ITGA1: variants seen among roughly 807,000 people sequenced by gnomAD.
ITGA1 encodes the protein integrin subunit alpha 1.
Under a neutral mutation model 145.9 loss-of-function variants are expected in ITGA1, and 85 were observed. The observed-to-expected ratio is 0.58, with a 90% confidence interval of 0.49 to 0.70. The LOEUF (loss-of-function observed/expected upper bound fraction) is 0.70. Among genes scored for constraint, ITGA1 ranks in the 30% least tolerant of loss-of-function variants. ITGA1 has a pLI of 0.00. For synonymous variants in ITGA1, 520 were observed against 495.3 expected (o/e 1.05, Z -0.66); for missense variants, 1,351 against 1,418.7 (o/e 0.95, Z 0.77).
At chr5:52,868,482 T>G (rs1362169858) in intron 6 of ITGA1, among the ~76,000 whole-genome samples, 1 of 152,338 alleles carries the variant, frequency 6.6e-6, no homozygotes, top group Non-Finnish European at 1.5e-5. Context: ...TATAATTAAT[T>G]TACATTTCTG....
chr5:52,884,402 G>A (rs1049401120), intron 7 of ITGA1, among the ~76,000 whole-genome samples: 1 of 150,494 alleles, frequency 6.6e-6, no homozygotes. Flanking sequence ...AGCCAAGATC[G>A]TGCCACTGCA....
At chr5:52,926,141 G>A (rs1750802578) in intron 19 of ITGA1, among the ~76,000 whole-genome samples, 1 of 151,942 alleles carries the variant, frequency 6.6e-6, no homozygotes, top group Admixed American at 6.6e-5. Flanking sequence ...TAAAAGCAAT[G>A]CACTTATTAA....
intron 1 of ITGA1, among the ~76,000 whole-genome samples, chr5:52,814,555 G>A (rs2406217): frequency 3.3e-5 from 5 of 151,904 alleles, no homozygotes; most frequent in South Asian, 2.1e-4. Flanking sequence ...TATAAATTAC[G>A]TAATCATATA....
At chr5:52,851,424 C>T (rs369262166) in intron 2 of ITGA1, among the ~76,000 whole-genome samples, 6 of 152,098 alleles carry the variant, frequency 3.9e-5, no homozygotes, top group East Asian at 3.8e-4. Flanking sequence ...TCTACAGTCC[C>T]TCCTTTCAAG....
chr5:52,910,958 A>G (rs921970906), intron 14 of ITGA1, among the ~76,000 whole-genome samples: 2 of 134,464 alleles, frequency 1.5e-5, no homozygotes, highest in Non-Finnish European at 3.0e-5. Context: ...TATAGTATAT[A>G]CACTATATAT....
intron 23 of ITGA1, 73 bp from the exon 24 acceptor site, chr5:52,937,328 C>A: frequency 1.0e-6 from 1 of 967,334 alleles, no homozygotes; most frequent in Non-Finnish European, 1.6e-6. Context: ...AGCTAGAAAA[C>A]AAAGCCCTAC....
chr5:52,871,371 C>T (rs1749773052), intron 6 of ITGA1, among the ~76,000 whole-genome samples: 1 of 152,012 alleles, frequency 6.6e-6, no homozygotes, highest in Non-Finnish European at 1.5e-5. Flanking sequence ...TAGCAAAATA[C>T]TTCACTTTAA....
At chr5:52,889,910 C>T (rs866877797) in intron 8 of ITGA1, 1 of 99,148 alleles carries the variant, frequency 1.0e-5, no homozygotes, top group Admixed American at 1.0e-4. Context: ...AAAAAAAAAT[C>T]AAGCAATAGC....
chr5:52,873,463 T>C (rs1749816615), intron 6 of ITGA1, among the ~76,000 whole-genome samples: 2 of 152,242 alleles, frequency 1.3e-5, no homozygotes, highest in East Asian at 3.8e-4. Flanking sequence ...ATCTATTATG[T>C]ATCAACTTTA....
rs780102104 is a variant in ITGA1, at chr5:52,898,286, A to C, written c.1212A>C (p.Thr404=). The C allele has an allele frequency of 2.5e-6, 4 of 1,611,830 alleles. No homozygotes were observed. In the South Asian group the frequency reaches 3.3e-5, roughly 13 times the overall value. Residue 404 remains threonine (T), a synonymous_variant, in exon 11 of 29, where the codon ACA becomes ACC. Coordinates refer to ENST00000282588, the MANE Select transcript of ITGA1 (RefSeq NM_181501.2). The part of the protein sequence containing the change: ...GAVGAYDWNG[T]VVMQKASQII... ...TAGGAGCCTATGATTGGAATGGAAC[A>C]GTTGTCATGCAGAAGGCTAGTCAAA... is the stretch of plus-strand genomic sequence containing the variant.
At chr5:52,916,845 C>T (rs908323621) in intron 15 of ITGA1, among the ~76,000 whole-genome samples, 26 of 152,164 alleles carry the variant, frequency 1.7e-4, no homozygotes, top group African/African-American at 5.1e-4. Context: ...TATTAATTCT[C>T]ATATTAAAAA....
At chr5:52,910,686 A>G (rs1176230891) in intron 14 of ITGA1, among the ~76,000 whole-genome samples, 1 of 147,344 alleles carries the variant, frequency 6.8e-6, no homozygotes, top group African/African-American at 2.5e-5. Flanking sequence ...CACACTATAT[A>G]TACTATATAC....
At chr5:52,818,458 A>G (rs1257576045) in intron 1 of ITGA1, among the ~76,000 whole-genome samples, 2 of 152,218 alleles carry the variant, frequency 1.3e-5, no homozygotes. Flanking sequence ...AAGTATATTC[A>G]AGTATCACTT....
In ITGA1 at chr5:52,937,157, A is replaced by G. The variant is rs548891501; in HGVS notation, c.2965-244A>G. Among the ~76,000 whole-genome samples, 6 of 152,280 alleles carry G rather than the reference A, an allele frequency of 3.9e-5. No homozygotes were observed. The South Asian group carries it at 1.2e-3, about 32-fold the overall frequency. ...TGTTAATCCTAGGTCTATTAAGAGA[A>G]TGGGGGATGGAGGAACAATATGATT... is the stretch of plus-strand genomic sequence containing the variant. On this transcript the variant is annotated intron_variant, in intron 23 of 28. Coordinates refer to ENST00000282588, the MANE Select transcript of ITGA1 (RefSeq NM_181501.2).
intron 6 of ITGA1, among the ~76,000 whole-genome samples, chr5:52,880,345 T>C (rs990208327): frequency 2.0e-5 from 3 of 152,196 alleles, no homozygotes; most frequent in African/African-American, 7.2e-5. Context: ...TATATCATAG[T>C]ATTCTTATTT....
At chr5:52,851,297 A>C (rs921728581) in intron 2 of ITGA1, among the ~76,000 whole-genome samples, 1 of 152,182 alleles carries the variant, frequency 6.6e-6, no homozygotes, top group Non-Finnish European at 1.5e-5. Flanking sequence ...GAACCTTAGT[A>C]GAGTGAAAAG....
At chr5:52,837,744 A>G (rs994170019) in intron 1 of ITGA1, among the ~76,000 whole-genome samples, 1 of 152,034 alleles carries the variant, frequency 6.6e-6, no homozygotes, top group Non-Finnish European at 1.5e-5. Flanking sequence ...ATGCTACTAG[A>G]TAGAAATAGA....
intron 1 of ITGA1, chr5:52,800,435 G>A (rs974381808): frequency 1.9e-6 from 3 of 1,613,806 alleles, no homozygotes; most frequent in Non-Finnish European, 8.5e-7. Context: ...GACAATGCGG[G>A]CCAGGTGACC....
At chr5:52,808,860 T>C (rs1011750777) in intron 1 of ITGA1, among the ~76,000 whole-genome samples, 1 of 152,068 alleles carries the variant, frequency 6.6e-6, no homozygotes, top group South Asian at 2.1e-4. Flanking sequence ...GGTAACTTGC[T>C]CAAACACAAT....
Sources: gnomAD v4.1 joint callset for allele counts (sites outside exome capture counted in the v4.1 genomes callset) on GRCh38, gnomAD v4.1.1 for gene constraint, MANE v1.5 for transcripts, NCBI Gene and HGNC (gene_info 2026-07-23, HGNC 2026-07-21) for gene names.